CSTPP1: variants seen among roughly 807,000 people sequenced by gnomAD.
CSTPP1 encodes centriolar satellite-associated tubulin polyglutamylase complex regulator 1.
At chr11:47,154,257 A>AG in the CSTPP1 span, 1 of 152,416 alleles carries the variant, frequency 6.6e-6, no homozygotes, top group African/African-American at 2.4e-5. Flanking sequence ...GAAAAAAGAA[A>AG]AAAAGAAAGA....
chr11:47,073,059 G>C, the CSTPP1 span, among the ~76,000 whole-genome samples: 1 of 152,158 alleles, frequency 6.6e-6, no homozygotes, highest in East Asian at 1.9e-4. Context: ...TTAGTGTTGA[G>C]ACTACTTTTT....
chr11:47,131,926 G>A, the CSTPP1 span, among the ~76,000 whole-genome samples: 5 of 151,878 alleles, frequency 3.3e-5, no homozygotes, highest in Admixed American at 1.3e-4. Flanking sequence ...GCCATGAGCC[G>A]AGATTGTGCC....
chr11:47,147,458 G>T, the CSTPP1 span, among the ~76,000 whole-genome samples: 4 of 152,158 alleles, frequency 2.6e-5, no homozygotes, highest in Non-Finnish European at 5.9e-5. Context: ...TTATTCTAAG[G>T]TCTGTGGACC....
At chr11:47,129,024 C>CAGAA in the CSTPP1 span, among the ~76,000 whole-genome samples, 1 of 152,150 alleles carries the variant, frequency 6.6e-6, no homozygotes, top group Non-Finnish European at 1.5e-5. Context: ...CTTTAGTCAC[C>CAGAA]ATTAGGAGGG....
At chr11:46,973,507 C>T in the CSTPP1 span, among the ~76,000 whole-genome samples, 1 of 152,114 alleles carries the variant, frequency 6.6e-6, no homozygotes, top group African/African-American at 2.4e-5. Flanking sequence ...AGGACTCAAG[C>T]ATATATTTTT....
the CSTPP1 span, among the ~76,000 whole-genome samples, chr11:47,117,496 T>G: frequency 1.3e-5 from 2 of 152,208 alleles, no homozygotes; most frequent in African/African-American, 4.8e-5. Flanking sequence ...TGCCGAGAGA[T>G]CCACTGTTAG....
At chr11:46,987,018 T>A in the CSTPP1 span, among the ~76,000 whole-genome samples, 1 of 152,232 alleles carries the variant, frequency 6.6e-6, no homozygotes, top group Non-Finnish European at 1.5e-5. Flanking sequence ...CATCTCCCAA[T>A]CTATCCTTTG....
chr11:47,039,041 G>T, the CSTPP1 span, among the ~76,000 whole-genome samples: 1 of 123,078 alleles, frequency 8.1e-6, no homozygotes, highest in Non-Finnish European at 1.9e-5. Flanking sequence ...GGGCAGAGAC[G>T]CTCCTCACTT....
At chr11:47,055,742 A>G in the CSTPP1 span, among the ~76,000 whole-genome samples, 8 of 152,152 alleles carry the variant, frequency 5.3e-5, no homozygotes, top group African/African-American at 1.9e-4. Context: ...TACTATTTTT[A>G]CTTCAATCAT....
the CSTPP1 span, chr11:47,164,126 G>C: frequency 6.2e-7 from 1 of 1,613,742 alleles, no homozygotes; most frequent in Non-Finnish European, 8.5e-7. Context: ...GGACCTCACG[G>C]CAGCACAGAG....
the CSTPP1 span, among the ~76,000 whole-genome samples, chr11:47,104,047 C>T: frequency 3.9e-5 from 6 of 152,142 alleles, no homozygotes; most frequent in East Asian, 5.8e-4. Flanking sequence ...ATATACAAAC[C>T]TATAACTTTG....
the CSTPP1 span, among the ~76,000 whole-genome samples, chr11:46,978,648 A>G: frequency 6.6e-6 from 1 of 152,186 alleles, no homozygotes; most frequent in African/African-American, 2.4e-5. Context: ...CTACAATAGC[A>G]TCCTTTACTT....
the CSTPP1 span, among the ~76,000 whole-genome samples, chr11:46,982,435 C>T: frequency 3.3e-5 from 5 of 152,012 alleles, no homozygotes; most frequent in African/African-American, 1.2e-4. Flanking sequence ...ATTATTGGGA[C>T]TCTGTATTAA....
At chr11:47,042,645 C>G in the CSTPP1 span, among the ~76,000 whole-genome samples, 1 of 151,334 alleles carries the variant, frequency 6.6e-6, no homozygotes, top group Admixed American at 6.6e-5. Flanking sequence ...GGAAAAACTT[C>G]AACAACTTAA....
At chr11:46,973,818 C>T in the CSTPP1 span, among the ~76,000 whole-genome samples, 3 of 120,608 alleles carry the variant, frequency 2.5e-5, no homozygotes, top group African/African-American at 8.9e-5. Flanking sequence ...GTCTGTGTGT[C>T]TGTGTGTGTT....
At chr11:46,992,675 G>A in the CSTPP1 span, among the ~76,000 whole-genome samples, 87 of 152,148 alleles carry the variant, frequency 5.7e-4, no homozygotes, top group East Asian at 8.9e-3. Context: ...CTTTGCTATC[G>A]TGAATAGTGC....
chr11:47,119,359 G>T, the CSTPP1 span, among the ~76,000 whole-genome samples: 1 of 152,170 alleles, frequency 6.6e-6, no homozygotes, highest in East Asian at 1.9e-4. Flanking sequence ...CAGGTAGTCT[G>T]TCACGGCTCC....
At chr11:47,162,090 C>T in the CSTPP1 span, 1 of 987,458 alleles carries the variant, frequency 1.0e-6, no homozygotes, top group African/African-American at 1.7e-5. Context: ...AGGACATAAC[C>T]GCTGTGGCCT....
At chr11:47,122,661 C>A in the CSTPP1 span, among the ~76,000 whole-genome samples, 1 of 152,172 alleles carries the variant, frequency 6.6e-6, no homozygotes, top group Non-Finnish European at 1.5e-5. Context: ...CAGCTCACTG[C>A]AACCTCCGCC....
Sources: allele counts gnomAD v4.1 joint callset (sites outside exome capture counted in the v4.1 genomes callset), GRCh38; gene constraint gnomAD v4.1.1; transcripts MANE v1.5; gene names NCBI Gene and HGNC (gene_info 2026-07-23, HGNC 2026-07-21).